RCAN2: variants seen among roughly 807,000 people sequenced by gnomAD.
The protein encoded by RCAN2 is regulator of calcineurin 2, also known as calcipressin-2.
RCAN2 carries 9 observed loss-of-function variants against 23.6 expected under a neutral mutation model. The ratio of observed to expected loss-of-function variants is 0.38; its 90% confidence interval spans 0.23 to 0.67. RCAN2 has a LOEUF of 0.67. Among genes scored for constraint, RCAN2 ranks in the 30% least tolerant of loss-of-function variants. The pLI, the probability that RCAN2 is intolerant of heterozygous loss-of-function variation, is 0.51. For missense variants in RCAN2, 273 were observed against 302.3 expected (o/e 0.90, Z 0.72); for synonymous variants, 109 against 115.7 (o/e 0.94, Z 0.37).
rs546984581 is a variant in RCAN2, at chr6:46,341,532, C to T, written c.226-92636G>A. 1.1e-3 allele frequency among the ~76,000 whole-genome samples: 170 copies of T among 152,312 alleles called. 1 individual carries two copies. Among genetic ancestry groups the T allele is most frequent in the Middle Eastern group, 6.8e-3 (2 of 294 alleles). On this transcript the variant is annotated intron_variant, in intron 2 of 4. Transcript: ENST00000371374. Reference sequence around the variant, plus strand: ...GAAAGGCACTGGCCGGGGGCGGTGGCTCCTGCCTGTAATCCCACCACTTTG... The same window carrying T: ...GAAAGGCACTGGCCGGGGGCGGTGGTTCCTGCCTGTAATCCCACCACTTTG...
chr6:46,251,129 C>T (rs957243512), intron 2 of RCAN2, among the ~76,000 whole-genome samples: 2 of 152,148 alleles, frequency 1.3e-5, no homozygotes, highest in African/African-American at 4.8e-5. Flanking sequence ...TTTCCCATCA[C>T]GAACAAAACA....
intron 2 of RCAN2, among the ~76,000 whole-genome samples, chr6:46,425,015 G>A (rs73454941): frequency 0.03 from 4,582 of 152,208 alleles, 219 homozygotes; most frequent in African/African-American, 0.1. Context: ...ACCAAGTAAT[G>A]ATCTTGACAG....
intron 2 of RCAN2, among the ~76,000 whole-genome samples, chr6:46,290,048 C>T (rs530248831): frequency 6.6e-6 from 1 of 152,182 alleles, no homozygotes; most frequent in South Asian, 2.1e-4. Context: ...TGGAGCATGG[C>T]AGGGCTTGCT....
chr6:46,459,579 C>T (rs967877847), intron 1 of RCAN2, among the ~76,000 whole-genome samples: 1 of 152,192 alleles, frequency 6.6e-6, no homozygotes, highest in African/African-American at 2.4e-5. Flanking sequence ...ACCTACTTTA[C>T]TTACATGGAG....
chr6:46,383,116 G>A (rs1250083213), intron 2 of RCAN2, among the ~76,000 whole-genome samples: 1 of 151,782 alleles, frequency 6.6e-6, no homozygotes, highest in East Asian at 1.9e-4. Context: ...TAAGAGTAGA[G>A]ATAAAACATC....
At chr6:46,375,164 T>G (rs1367139823) in intron 2 of RCAN2, among the ~76,000 whole-genome samples, 1 of 152,190 alleles carries the variant, frequency 6.6e-6, no homozygotes, top group African/African-American at 2.4e-5. Context: ...AGGCTGATCT[T>G]GAACTCCTCA....
chr6:46,296,647 A>T (rs892012251), intron 2 of RCAN2, among the ~76,000 whole-genome samples: 3 of 152,152 alleles, frequency 2.0e-5, no homozygotes, highest in African/African-American at 7.2e-5. Flanking sequence ...TAGCAGCATG[A>T]AATAAAATTA....
At chr6:46,475,804 C>T (rs969959855) in intron 1 of RCAN2, among the ~76,000 whole-genome samples, 8 of 152,162 alleles carry the variant, frequency 5.3e-5, no homozygotes, top group African/African-American at 1.9e-4. Context: ...GGAGGGTCTA[C>T]CATGCTCTTG....
chr6:46,397,732 G>A (rs1766137924), intron 2 of RCAN2, among the ~76,000 whole-genome samples: 1 of 152,126 alleles, frequency 6.6e-6, no homozygotes, highest in Non-Finnish European at 1.5e-5. Context: ...TCATCCCAAA[G>A]TAGTCTATAA....
In RCAN2 at chr6:46,222,978, A is replaced by G; in HGVS notation, c.*163T>C. On this transcript the variant is annotated 3_prime_UTR_variant, in exon 5 of 5. Transcript: ENST00000371374. Reference sequence around the variant, plus strand: ...AATGGGTATGATATGATCAGGAGACATATCACCTTTTCCTAGCCCTTTTGT... The same window carrying G: ...AATGGGTATGATATGATCAGGAGACGTATCACCTTTTCCTAGCCCTTTTGT... The G allele has an allele frequency of 1.5e-6, 1 of 689,476 alleles. No individual in the cohort carries two copies. Among genetic ancestry groups the G allele is most frequent in the Non-Finnish European group, 2.5e-6 (1 of 398,396 alleles). The allele number at this position is 689,476 out of a possible 1,614,324, so 42.7% of individuals were successfully genotyped here.
chr6:46,317,556 G>A (rs192005882), intron 2 of RCAN2, among the ~76,000 whole-genome samples: 51 of 152,144 alleles, frequency 3.4e-4, no homozygotes, highest in Admixed American at 1.4e-3. Flanking sequence ...CCACCTCCCC[G>A]GTTAAGGCCA....
chr6:46,258,982 C>T (rs918538940), intron 2 of RCAN2, among the ~76,000 whole-genome samples: 1 of 152,176 alleles, frequency 6.6e-6, no homozygotes, highest in African/African-American at 2.4e-5. Context: ...GATTTCACAC[C>T]TTGGGGAGCC....
intron 2 of RCAN2, among the ~76,000 whole-genome samples, chr6:46,255,769 T>C (rs1415142707): frequency 6.6e-6 from 1 of 151,908 alleles, no homozygotes; most frequent in Non-Finnish European, 1.5e-5. Context: ...TATGGCAGCA[T>C]AGACAGGAAG....
chr6:46,285,431 C>T (rs908651369), intron 2 of RCAN2, among the ~76,000 whole-genome samples: 1 of 152,144 alleles, frequency 6.6e-6, no homozygotes, highest in African/African-American at 2.4e-5. Context: ...TAAGAATTAC[C>T]TGGAGAGCTG....
At chr6:46,269,054 T>C (rs1767437574) in intron 2 of RCAN2, among the ~76,000 whole-genome samples, 1 of 152,222 alleles carries the variant, frequency 6.6e-6, no homozygotes, top group Non-Finnish European at 1.5e-5. Flanking sequence ...TTGCTGACTA[T>C]TCCTATAGAG....
At chr6:46,461,911 T>A (rs1193806918) in intron 1 of RCAN2, among the ~76,000 whole-genome samples, 1 of 152,144 alleles carries the variant, frequency 6.6e-6, no homozygotes, top group African/African-American at 2.4e-5. Context: ...GACTGCAGAA[T>A]GGAGAAGGAA....
chr6:46,391,273 A>C (rs1345805548), intron 2 of RCAN2, among the ~76,000 whole-genome samples: 1 of 152,212 alleles, frequency 6.6e-6, no homozygotes, highest in Non-Finnish European at 1.5e-5. Context: ...GAAGCTGGAA[A>C]CCATCATTCT....
chr6:46,318,551 T>C (rs1181562799), intron 2 of RCAN2, among the ~76,000 whole-genome samples: 1 of 152,144 alleles, frequency 6.6e-6, no homozygotes, highest in African/African-American at 2.4e-5. Context: ...GAGTTTCCTT[T>C]AGCAATTGTT....
chr6:46,368,721 G>T (rs1424212241), intron 2 of RCAN2, among the ~76,000 whole-genome samples: 1 of 152,172 alleles, frequency 6.6e-6, no homozygotes, highest in Non-Finnish European at 1.5e-5. Flanking sequence ...TGGTGCACCT[G>T]TAGAGAACAC....
Sources: allele counts gnomAD v4.1 joint callset (sites outside exome capture counted in the v4.1 genomes callset), GRCh38; gene constraint gnomAD v4.1.1; transcripts MANE v1.5; gene names NCBI Gene and HGNC (gene_info 2026-07-23, HGNC 2026-07-21).